The following CNTN6 variants were observed in gnomAD, a reference collection of about 807,000 sequenced individuals.
CNTN6 encodes contactin-6.
In CNTN6, 137 loss-of-function variants were observed where a neutral mutation model predicts 122.8. The ratio of observed to expected loss-of-function variants is 1.12; its 90% confidence interval spans 0.97 to 1.29. CNTN6 has a LOEUF of 1.29. CNTN6 is among the 50% of genes most tolerant of loss of function. The pLI is 0.00. For missense variants in CNTN6, 1,634 were observed against 1,223.4 expected, an observed-to-expected ratio of 1.34 and a Z score of -5.01; for synonymous variants, 570 against 426.0, an observed-to-expected ratio of 1.34 and a Z score of -4.16.
At chr3:1,357,115 A>G (rs1470909803) in intron 12 of CNTN6, among the ~76,000 whole-genome samples, 1 of 151,910 alleles carries the variant, frequency 6.6e-6, no homozygotes, top group Non-Finnish European at 1.5e-5. Flanking sequence ...AATATAATGT[A>G]AAGGATAGAT....
At chr3:1,162,517 A>G (rs998576448) in intron 2 of CNTN6, among the ~76,000 whole-genome samples, 4 of 152,112 alleles carry the variant, frequency 2.6e-5, no homozygotes, top group East Asian at 1.9e-4. Flanking sequence ...TTAATTGCCA[A>G]TTGTCTTTTC....
intron 7 of CNTN6, among the ~76,000 whole-genome samples, chr3:1,316,467 A>G (rs776524654): frequency 7.9e-5 from 12 of 151,902 alleles, no homozygotes; most frequent in African/African-American, 2.4e-5. Flanking sequence ...CTCACTCACT[A>G]TCATGAGAAC....
intron 4 of CNTN6, among the ~76,000 whole-genome samples, chr3:1,266,998 C>CTGCGACCCCCAGGTTCAAGCAA (rs2094936849): frequency 7.1e-6 from 1 of 140,446 alleles, no homozygotes; most frequent in Admixed American, 7.5e-5. Flanking sequence ...TCTCTGTAAC[C>CTGCGACCCCCAGGTTCAAGCAA]TGCGACCCCC....
chr3:1,112,267 T>C (rs2091516538), intron 1 of CNTN6, among the ~76,000 whole-genome samples: 1 of 152,126 alleles, frequency 6.6e-6, no homozygotes, highest in Non-Finnish European at 1.5e-5. Context: ...ATCAGTTAAG[T>C]ATGTGTATAG....
At chr3:1,331,414 C>T (rs1327296415) in intron 11 of CNTN6, among the ~76,000 whole-genome samples, 1 of 151,938 alleles carries the variant, frequency 6.6e-6, no homozygotes, top group Non-Finnish European at 1.5e-5. Context: ...GGGGAAATCC[C>T]TCAAGACATA....
At chr3:1,293,012 T>G (rs969930308) in intron 5 of CNTN6, among the ~76,000 whole-genome samples, 3 of 152,148 alleles carry the variant, frequency 2.0e-5, no homozygotes, top group African/African-American at 7.2e-5. Context: ...AATGACACTT[T>G]TTGCATTTTC....
chr3:1,117,191 G>A (rs1041122247), intron 1 of CNTN6, among the ~76,000 whole-genome samples: 1 of 152,108 alleles, frequency 6.6e-6, no homozygotes, highest in Non-Finnish European at 1.5e-5. Flanking sequence ...AAACACACGT[G>A]TGCATTACTT....
chr3:1,344,606 G>T (rs1333165420), intron 11 of CNTN6, among the ~76,000 whole-genome samples: 1 of 152,128 alleles, frequency 6.6e-6, no homozygotes, highest in Non-Finnish European at 1.5e-5. Flanking sequence ...AGAGAGTTTA[G>T]GCTTTTGTCT....
At chr3:1,113,938 A>C (rs912898240) in intron 1 of CNTN6, among the ~76,000 whole-genome samples, 4 of 152,164 alleles carry the variant, frequency 2.6e-5, no homozygotes, top group Admixed American at 6.6e-5. Context: ...AGCAAGGACA[A>C]TCCTGTCTCC....
chr3:1,338,549 G>C (rs946190498), intron 11 of CNTN6, among the ~76,000 whole-genome samples: 7 of 152,024 alleles, frequency 4.6e-5, no homozygotes, highest in African/African-American at 1.7e-4. Context: ...TCCTATCCTA[G>C]CAGTTCAGCC....
intron 2 of CNTN6, among the ~76,000 whole-genome samples, chr3:1,174,821 T>C (rs774040554): frequency 2.0e-5 from 3 of 152,196 alleles, no homozygotes. Context: ...AAAGCTGACA[T>C]TGCCCCAATC....
chr3:1,399,530 C>T (rs777026863), intron 20 of CNTN6, among the ~76,000 whole-genome samples: 3 of 152,030 alleles, frequency 2.0e-5, no homozygotes, highest in Non-Finnish European at 2.9e-5. Flanking sequence ...ATCCAATTGG[C>T]CTGTCCATCT....
chr3:1,325,520 C>T (rs265781), intron 8 of CNTN6, among the ~76,000 whole-genome samples: 69,188 of 151,428 alleles, frequency 0.46, 16,163 homozygotes, highest in East Asian at 0.76. Flanking sequence ...GATTTATTCC[C>T]TGGCCCTGTT....
At position 1,403,693 on chromosome 3, in the gene CNTN6, G is replaced by A. The variant is rs1014713260; in HGVS notation, c.*275G>A. The A allele has an allele frequency of 4.6e-6, 1 of 216,858 alleles. No individual in the cohort carries two copies. Among genetic ancestry groups the A allele is most frequent in the African/African-American group, 2.3e-5 (1 of 43,608 alleles). The allele number at this position is 216,858 out of a possible 1,614,324, so 13.4% of individuals were successfully genotyped here. A position where few individuals can be genotyped will look rare whatever the true frequency, so the allele number is the denominator to read the frequency against. On this transcript the variant is annotated 3_prime_UTR_variant, in exon 23 of 23. Transcript: ENST00000446702. ...CTGTGTCTTTTAAGTTACTTATATG[G>A]AGAAAATAAATAACTCCCCTCAATG...
rs192631037 is a variant in CNTN6, at chr3:1,162,415, C to T, written c.55+14352C>T. On this transcript the variant is annotated intron_variant, in intron 2 of 22. Transcript: ENST00000446702. ...TCAGAAGGGAGGGGAAAAAAAACCC[C>T]TTCTTCTTCGTAAAAGTCTTACAGA... Among the ~76,000 whole-genome samples the T allele has an allele frequency of 4.6e-5, 7 of 152,162 alleles. No individual in the cohort carries two copies. The East Asian group carries it at 1.2e-3, about 25-fold the overall frequency.
chr3:1,179,245 C>T (rs2093510635), intron 2 of CNTN6, among the ~76,000 whole-genome samples: 1 of 152,152 alleles, frequency 6.6e-6, no homozygotes, highest in South Asian at 2.1e-4. Context: ...GCCCTCAGGA[C>T]CCAAACTATT....
chr3:1,353,573 G>T (rs1161295690), intron 12 of CNTN6, among the ~76,000 whole-genome samples: 1 of 151,512 alleles, frequency 6.6e-6, no homozygotes, highest in African/African-American at 2.4e-5. Flanking sequence ...AGACAGAGAT[G>T]GACTTAAGTG....
intron 20 of CNTN6, among the ~76,000 whole-genome samples, chr3:1,400,013 T>C (rs1170662490): frequency 1.3e-5 from 2 of 152,220 alleles, no homozygotes; most frequent in Admixed American, 1.3e-4. Context: ...GAATGTATGG[T>C]AATATATTTG....
In CNTN6 at chr3:1,114,105, C is replaced by G. The variant is rs1373502445; in HGVS notation, c.-83+20985C>G. On this transcript the variant is annotated intron_variant, in intron 1 of 22. Coordinates refer to ENST00000446702, the MANE Select transcript of CNTN6 (RefSeq NM_001289080.2). ...TCTTTAAGAAGTAGGTGGCATTCAACTAAAGAATACACTCTTCGGTTCTGT... is the reference window on the plus strand; with the variant it reads ...TCTTTAAGAAGTAGGTGGCATTCAAGTAAAGAATACACTCTTCGGTTCTGT... 2.0e-5 allele frequency among the ~76,000 whole-genome samples: 3 copies of G among 152,252 alleles called. No homozygotes were observed. In the South Asian group the frequency reaches 6.2e-4, roughly 32 times the overall value.
Sources: allele counts gnomAD v4.1 joint callset (sites outside exome capture counted in the v4.1 genomes callset), GRCh38; gene constraint gnomAD v4.1.1; transcripts MANE v1.5; gene names NCBI Gene and HGNC (gene_info 2026-07-23, HGNC 2026-07-21).